The following ASIC5 variants were observed in gnomAD, a reference collection of about 807,000 sequenced individuals.
The protein encoded by ASIC5 is acid sensing ion channel subunit family member 5.
Under a neutral mutation model 51.2 loss-of-function variants are expected in ASIC5, and 52 were observed. The ratio of observed to expected loss-of-function variants is 1.02; its 90% confidence interval spans 0.81 to 1.28. The LOEUF (loss-of-function observed/expected upper bound fraction) is 1.28. ASIC5 is among the 50% of genes most tolerant of loss of function. The probability of loss-of-function intolerance (pLI) is 0.00; values close to 1 mark genes in which losing one functional copy is unlikely to be tolerated. For synonymous variants in ASIC5, 231 were observed against 200.7 expected (o/e 1.15, Z -1.28); for missense variants, 635 against 595.0 (o/e 1.07, Z -0.70).
At chr4:155,863,072 G>A (rs1280583556) in intron 2 of ASIC5, among the ~76,000 whole-genome samples, 1 of 152,134 alleles carries the variant, frequency 6.6e-6, no homozygotes, top group African/African-American at 2.4e-5. Flanking sequence ...GCTGGGCACA[G>A]TGGCTCACAT....
chr4:155,860,137 T>C (rs1317636461), intron 2 of ASIC5, among the ~76,000 whole-genome samples: 1 of 152,014 alleles, frequency 6.6e-6, no homozygotes, highest in African/African-American at 2.4e-5. Context: ...ATTTAAATGA[T>C]TTCTACTGGT....
At chr4:155,848,437 T>C (rs1741304992) in intron 4 of ASIC5, among the ~76,000 whole-genome samples, 1 of 152,092 alleles carries the variant, frequency 6.6e-6, no homozygotes. Context: ...ATTTGGGCTG[T>C]ATTTATGTAA....
Position 155,836,876 on chromosome 4 carries a change from C to A in ASIC5, c.1067-19G>T. On this transcript the variant is annotated intron_variant, in intron 7 of 9. Coordinates refer to ENST00000537611, the MANE Select transcript of ASIC5 (RefSeq NM_017419.3). ...ATGTGGTCTGAAATGAAAATCAGGA[C>A]AGGGAATTCAGAGAAGAGAAATATT... 6.5e-7 allele frequency: 1 copy of A among 1,541,364 alleles called. No homozygotes were observed. The highest frequency in any genetic ancestry group is 8.8e-7 in the Non-Finnish European group (1 of 1,131,196).
At chr4:155,860,102 A>G (rs1741660099) in intron 2 of ASIC5, among the ~76,000 whole-genome samples, 1 of 152,006 alleles carries the variant, frequency 6.6e-6, no homozygotes, top group African/African-American at 2.4e-5. Flanking sequence ...ATTTTGGGTT[A>G]TTTGAATATA....
intron 4 of ASIC5, among the ~76,000 whole-genome samples, chr4:155,846,855 C>CT (rs1317781051): frequency 1.3e-5 from 2 of 151,056 alleles, no homozygotes; most frequent in African/African-American, 4.9e-5. Context: ...AACATTCTTG[C>CT]TAAAAAAAAG....
chr4:155,853,736 T>C (rs533357539), intron 3 of ASIC5, among the ~76,000 whole-genome samples: 1 of 151,682 alleles, frequency 6.6e-6, no homozygotes, highest in South Asian at 2.1e-4. Flanking sequence ...TATTTGGTGA[T>C]TATAAAAATA....
In ASIC5 at chr4:155,852,310, C is replaced by T. The variant is rs958536874; in HGVS notation, c.592G>A (p.Ala198Thr). The change falls in exon 4 of 10, where the codon GCA becomes ACA. Residue 198 changes from alanine to threonine, a missense_variant. Ala to Thr is a moderately conservative substitution (Grantham distance 58). Coordinates refer to ENST00000537611, the MANE Select transcript of ASIC5 (RefSeq NM_017419.3). ...FGKPCSPKDF[A>T]HVFTEYGNCF... ...TTTCCATATTCAGTGAAGACATGTG[C>T]AAAATCCTCCAATATGTAAATGAAC... 6.3e-7 allele frequency: 1 copy of T among 1,582,760 alleles called. No individual in the cohort carries two copies. Among genetic ancestry groups the T allele is most frequent in the Non-Finnish European group, 8.5e-7 (1 of 1,170,038 alleles).
intron 2 of ASIC5, among the ~76,000 whole-genome samples, chr4:155,860,159 A>C (rs190729152): frequency 2.4e-3 from 360 of 152,134 alleles, no homozygotes; most frequent in African/African-American, 8.4e-3. Context: ...TATTTTAGTC[A>C]ATAAAGCAGT....
At chr4:155,838,779 A>G in intron 7 of ASIC5, 34 bp downstream of exon 7, 2 of 1,384,110 alleles carry the variant, frequency 1.4e-6, no homozygotes, top group South Asian at 1.2e-5. Context: ...ACTTTAATAT[A>G]AATCCTGAAA....
chr4:155,837,693 G>A (rs1190139091), intron 7 of ASIC5, among the ~76,000 whole-genome samples: 3 of 151,978 alleles, frequency 2.0e-5, no homozygotes, highest in African/African-American at 7.3e-5. Flanking sequence ...GCATGCATCT[G>A]CTAGTTCTTT....
rs962382784 is a variant in ASIC5, at chr4:155,835,565, C to G, written c.1235+1124G>C. On this transcript the variant is annotated intron_variant, in intron 8 of 9. Transcript: ENST00000537611. ...TGAAACTCAGGAGATTTCTATCAAC[C>G]AAAAGACACAGGAAGTGCTCTTCTA... is the stretch of plus-strand genomic sequence containing the variant. Among the ~76,000 whole-genome samples the G allele has an allele frequency of 2.0e-5, 3 of 152,104 alleles. No homozygotes were observed. The South Asian group carries it at 6.2e-4, about 31-fold the overall frequency.
chr4:155,864,247 G>C (rs983455241), intron 1 of ASIC5, among the ~76,000 whole-genome samples: 1 of 151,996 alleles, frequency 6.6e-6, no homozygotes, highest in African/African-American at 2.4e-5. Context: ...TTTCATTCTC[G>C]TATTCTTTAA....
chr4:155,846,951 A>T (rs1034353468), intron 4 of ASIC5, among the ~76,000 whole-genome samples: 1 of 152,106 alleles, frequency 6.6e-6, no homozygotes, highest in Non-Finnish European at 1.5e-5. Context: ...TAAGAAGAAC[A>T]AGCAAACAAA....
intron 2 of ASIC5, among the ~76,000 whole-genome samples, 200 bp downstream of exon 2, chr4:155,863,247 GA>G (rs1741760134): frequency 6.6e-6 from 1 of 152,068 alleles, no homozygotes; most frequent in Admixed American, 6.6e-5. Context: ...AGGAAGAAAA[GA>G]TGGAAAATAA....
At chr4:155,845,873 A>C (rs1280831608) in intron 4 of ASIC5, among the ~76,000 whole-genome samples, 1 of 152,090 alleles carries the variant, frequency 6.6e-6, no homozygotes, top group Non-Finnish European at 1.5e-5. Context: ...CTATTTAGCT[A>C]ACAACTGCCT....
intron 6 of ASIC5, among the ~76,000 whole-genome samples, chr4:155,841,419 T>G (rs974708457): frequency 6.6e-6 from 1 of 152,106 alleles, no homozygotes; most frequent in South Asian, 2.1e-4. Flanking sequence ...CCTCCTCCAT[T>G]TGACAGCAGA....
intron 1 of ASIC5, among the ~76,000 whole-genome samples, chr4:155,864,008 T>C (rs1741793898): frequency 6.6e-6 from 1 of 152,154 alleles, no homozygotes; most frequent in South Asian, 2.1e-4. Context: ...AATGTGTTAG[T>C]GGTATGGTAT....
At chr4:155,838,579 T>C (rs905556692) in intron 7 of ASIC5, among the ~76,000 whole-genome samples, 5 of 152,176 alleles carry the variant, frequency 3.3e-5, no homozygotes, top group African/African-American at 1.2e-4. Flanking sequence ...ATATTTTGAT[T>C]ATAAAAAAGA....
chr4:155,832,013 A>C (rs1409278609), intron 8 of ASIC5, 98 bp from the exon 9 acceptor site: 10 of 616,030 alleles, frequency 1.6e-5, no homozygotes, highest in Non-Finnish European at 2.0e-5. Context: ...TTTATATGCT[A>C]TTTAATGTTA....
Sources: gnomAD v4.1 joint callset for allele counts (sites outside exome capture counted in the v4.1 genomes callset) on GRCh38, gnomAD v4.1.1 for gene constraint, MANE v1.5 for transcripts, NCBI Gene and HGNC (gene_info 2026-07-23, HGNC 2026-07-21) for gene names.